Variants in TRPC3 observed in about 807,000 individuals in gnomAD.
TRPC3 encodes short transient receptor potential channel 3.
TRPC3 carries 54 observed loss-of-function variants against 90.9 expected under a neutral mutation model. The ratio of observed to expected loss-of-function variants is 0.59; its 90% CI spans 0.48 to 0.75. The LOEUF (loss-of-function observed/expected upper bound fraction) is 0.75. Ranked by LOEUF, TRPC3 falls within the 30% of genes least tolerant of loss-of-function variation. The pLI, the probability that TRPC3 is intolerant of heterozygous loss-of-function variation, is 0.00. For missense variants in TRPC3, 918 were observed against 1,194.5 expected (o/e 0.77, Z 3.41); for synonymous variants, 424 against 450.9 (o/e 0.94, Z 0.75).
rs1727866332 is a variant in TRPC3, at chr4:121,879,449, G to A, written c.*287C>T. ...CTGATAGTCTCTTGGAGGCAAACAG[G>A]TAGTGCAAAGATGTGGAGTTTACTC... On this transcript the variant is annotated 3_prime_UTR_variant, in exon 12 of 12. Transcript: ENST00000379645. The A allele has an allele frequency of 6.6e-6, 2 of 301,864 alleles. No homozygotes were observed. The highest frequency in any genetic ancestry group is 1.2e-5 in the Non-Finnish European group (2 of 164,226). The allele number at this position is 301,864 out of a possible 1,614,324, so 18.7% of individuals were successfully genotyped here.
At chr4:121,923,288 C>A (rs1252476039) in intron 3 of TRPC3, among the ~76,000 whole-genome samples, 1 of 152,178 alleles carries the variant, frequency 6.6e-6, no homozygotes, top group Non-Finnish European at 1.5e-5. Context: ...CTTAACAGGT[C>A]AGCACTGTGC....
rs1729971561 is a variant in TRPC3 at position 121,932,428 on chromosome 4, C to T, written c.830G>A (p.Arg277Lys). The T allele has an allele frequency of 3.3e-5, 54 of 1,614,174 alleles. No homozygotes were observed. Among genetic ancestry groups the T allele is most frequent in the Non-Finnish European group, 4.6e-5 (54 of 1,180,008 alleles). ...CKCGDCMEKQ[R>K]HDSFSHSRSR... ...GCGTGAGTGGCTGAAGGAGTCGTGC[C>T]TCTGCTTCTCCATGCAGTCCCCGCA... The change falls in exon 2 of 12, where the codon AGG (arginine) becomes AAG (lysine). Residue 277 changes from arginine to lysine, a missense_variant. By Grantham distance (26) the Arg-to-Lys change is conservative. Coordinates refer to ENST00000379645, the MANE Select transcript of TRPC3 (RefSeq NM_001130698.2). The surrounding 1 kb of genome is among the most constrained non-coding windows in gnomAD (Gnocchi z 7.7).
rs1381819636 is a variant in TRPC3 at position 121,876,376 on chromosome 4, C to A, written c.*3360G>T. 6.6e-6 allele frequency among the ~76,000 whole-genome samples: 1 copy of A among 152,070 alleles called. No individual in the cohort carries two copies. Among genetic ancestry groups the A allele is most frequent in the East Asian group, 1.9e-4 (1 of 5,198 alleles). ...TGATGACATTAACCTCCTAAAACACCTCTATGAGCTCCAGGGACTAGGAAC... is the reference window on the plus strand; with the variant it reads ...TGATGACATTAACCTCCTAAAACACATCTATGAGCTCCAGGGACTAGGAAC... On this transcript the variant is annotated 3_prime_UTR_variant, in exon 12 of 12. Transcript: ENST00000379645.
intron 1 of TRPC3, among the ~76,000 whole-genome samples, chr4:121,940,491 C>T (rs1412792218): frequency 1.3e-5 from 2 of 152,312 alleles, no homozygotes; most frequent in Middle Eastern, 3.4e-3. Context: ...GACCCTTTTA[C>T]ACCTACCTCC....
At position 121,907,701 on chromosome 4, in the gene TRPC3, T is replaced by C. The variant is rs566087204; in HGVS notation, c.1793-134A>G. 22 of 946,634 alleles carry C rather than the reference T, an allele frequency of 2.3e-5. 1 individual carries two copies. In the South Asian group the frequency reaches 3.9e-4, roughly 17 times the overall value. The allele number at this position is 946,634 out of a possible 1,614,324, so 58.6% of individuals were successfully genotyped here. A position where few individuals can be genotyped will look rare whatever the true frequency, so the allele number is the denominator to read the frequency against. On this transcript the variant is annotated intron_variant, in intron 6 of 11. Transcript: ENST00000379645. ...TCAGTTGAAACTAATCTAGATTTAA[T>C]TAACTGTCCAGGGACTATTTTCATC... is the stretch of plus-strand genomic sequence containing the variant.
chr4:121,903,712 C>T (rs1164097513), intron 8 of TRPC3, among the ~76,000 whole-genome samples: 1 of 152,072 alleles, frequency 6.6e-6, no homozygotes, highest in Non-Finnish European at 1.5e-5. Context: ...GTTCACACAG[C>T]CTAGAAGGCC....
At chr4:121,936,889 A>G (rs191802681) in intron 1 of TRPC3, among the ~76,000 whole-genome samples, 1 of 152,306 alleles carries the variant, frequency 6.6e-6, no homozygotes, top group East Asian at 1.9e-4. Context: ...TTGTCATGGC[A>G]GCCTGAATGA....
intron 1 of TRPC3, chr4:121,950,943 G>GC (rs1350853658): frequency 1.3e-5 from 2 of 152,302 alleles, no homozygotes; most frequent in African/African-American, 4.8e-5. Flanking sequence ...CCACTTCTCT[G>GC]CCCCCGCCCC....
intron 11 of TRPC3, among the ~76,000 whole-genome samples, chr4:121,881,782 C>T (rs1727952004): frequency 6.6e-6 from 1 of 152,044 alleles, no homozygotes; most frequent in East Asian, 1.9e-4. Context: ...AGCTCTACAT[C>T]CTAGACTTTG....
chr4:121,933,067 A>G (rs963017175), intron 1 of TRPC3, 25 bp from the exon 2 acceptor site: 21 of 1,530,398 alleles, frequency 1.4e-5, no homozygotes, highest in Non-Finnish European at 1.8e-5. Context: ...CGATAAAACA[A>G]CTGTAGAATA....
rs1727821750 is a variant in TRPC3, at chr4:121,878,180, A to G, written c.*1556T>C. Among the ~76,000 whole-genome samples the G allele has an allele frequency of 6.6e-6, 1 of 152,248 alleles. No individual in the cohort carries two copies. Among genetic ancestry groups the G allele is most frequent in the Non-Finnish European group, 1.5e-5 (1 of 68,042 alleles). On this transcript the variant is annotated 3_prime_UTR_variant, in exon 12 of 12. Transcript: ENST00000379645. ...AGACGAATACTCTTAGCATGGCACA[A>G]AAGTTAATGAAGTGTTCTACAATGG...
At chr4:121,903,155 G>C in intron 8 of TRPC3, 94 bp from the exon 9 acceptor site, 1 of 1,125,828 alleles carries the variant, frequency 8.9e-7, no homozygotes, top group Non-Finnish European at 1.2e-6. Context: ...TCTAAGTTAC[G>C]TTTTTGAAAT....
intron 10 of TRPC3, among the ~76,000 whole-genome samples, chr4:121,891,638 C>A (rs1178049879): frequency 6.6e-6 from 1 of 152,148 alleles, no homozygotes; most frequent in Non-Finnish European, 1.5e-5. Context: ...GATCTTCTTC[C>A]TCTCCCCCTC....
intron 1 of TRPC3, 28 bp from the exon 2 acceptor site, chr4:121,933,070 G>C (rs1346351728): frequency 4.6e-6 from 7 of 1,530,766 alleles, no homozygotes; most frequent in African/African-American, 1.4e-5. Flanking sequence ...TAAAACAACT[G>C]TAGAATATTA....
At chr4:121,892,027 A>T (rs13131003) in intron 10 of TRPC3, among the ~76,000 whole-genome samples, 40,865 of 152,068 alleles carry the variant, frequency 0.27, 6,653 homozygotes, top group East Asian at 0.43. Context: ...AAAGGGATTA[A>T]GAAAATTATT....
rs561892917 is a variant in TRPC3 at position 121,921,122 on chromosome 4, A to C, written c.1176+3896T>G. On this transcript the variant is annotated intron_variant, in intron 3 of 11. Coordinates refer to ENST00000379645, the MANE Select transcript of TRPC3 (RefSeq NM_001130698.2). ...GTTCTGTAAGGCCTGTGTTGAACTC[A>C]TGCCTTGATTTCTAGGAAAGACCAG... 2.0e-5 allele frequency among the ~76,000 whole-genome samples: 3 copies of C among 152,308 alleles called. No individual in the cohort carries two copies. In the South Asian group the frequency reaches 6.2e-4, roughly 32 times the overall value.
chr4:121,907,448 G>A lies in TRPC3; in HGVS notation c.1912C>T (p.Pro638Ser). Residue 638 changes from proline (P) to serine (S), a missense_variant, in exon 7 of 12, where the codon CCC becomes TCC. Pro to Ser is a moderately conservative substitution (Grantham distance 74). This residue lies in a region of TRPC3 where 147 missense variants were observed against 263.5 expected (regional missense o/e 0.56). Coordinates refer to ENST00000379645, the MANE Select transcript of TRPC3 (RefSeq NM_001130698.2). The stretch of plus-strand genomic sequence containing the variant: ...GTCCTTCCAAGAGAGATCTGCAGGG[G>A]GCCAAAGCTCTCATTTGCAGGGAGG... ...YILPANESFG[P>S]LQISLGRTVK... 6.2e-7 allele frequency: 1 copy of A among 1,613,356 alleles called. No homozygotes were observed. The highest frequency in any genetic ancestry group is 8.5e-7 in the Non-Finnish European group (1 of 1,179,532).
At chr4:121,950,810 T>A (rs751033921) in intron 1 of TRPC3, 1 of 152,224 alleles carries the variant, frequency 6.6e-6, no homozygotes. Context: ...ACTCTCTCCC[T>A]CAGGGGACCC....
intron 7 of TRPC3, among the ~76,000 whole-genome samples, chr4:121,906,200 C>T (rs1206370839): frequency 2.6e-5 from 4 of 152,088 alleles, no homozygotes; most frequent in African/African-American, 9.7e-5. Flanking sequence ...GAGAAATGTT[C>T]AGGAACTTAA....
Sources: allele counts gnomAD v4.1 joint callset (sites outside exome capture counted in the v4.1 genomes callset), GRCh38; gene constraint gnomAD v4.1.1; regional missense constraint gnomAD v4.1.1; non-coding constraint Gnocchi (gnomAD v3.1); transcripts MANE v1.5; gene names NCBI Gene and HGNC (gene_info 2026-07-23, HGNC 2026-07-21).